The following DIP2C variants were observed in gnomAD, a reference collection of about 807,000 sequenced individuals.
The protein encoded by DIP2C is disco-interacting protein 2 homolog C.
DIP2C carries 33 observed loss-of-function variants against 192.4 expected under a neutral mutation model. The observed-to-expected ratio is 0.17, with a 90% CI of 0.13 to 0.23. The LOEUF is 0.23. DIP2C is among the 10% of genes least tolerant of loss of function. The pLI, the probability that DIP2C is intolerant of heterozygous loss-of-function variation, is 1.00. For synonymous variants in DIP2C, 979 were observed against 864.1 expected, an observed-to-expected ratio of 1.13 and a Z score of -2.33; for missense variants, 1,537 against 2,110.1, an observed-to-expected ratio of 0.73 and a Z score of 5.32.
chr10:549,560 G>C (rs147357687), intron 1 of DIP2C, among the ~76,000 whole-genome samples: 2 of 152,282 alleles, frequency 1.3e-5, no homozygotes, highest in Non-Finnish European at 2.9e-5. Context: ...AAACAGCCAA[G>C]GGCGGCATTT....
intron 1 of DIP2C, among the ~76,000 whole-genome samples, chr10:569,710 A>G (rs559557936): frequency 6.6e-5 from 10 of 152,170 alleles, no homozygotes; most frequent in Non-Finnish European, 8.8e-5. Flanking sequence ...CAGGGTAATA[A>G]TCAGCCATCG....
intron 32 of DIP2C, among the ~76,000 whole-genome samples, chr10:288,862 GCA>G (rs1445553770): frequency 6.6e-6 from 1 of 152,202 alleles, no homozygotes; most frequent in Admixed American, 6.5e-5. Flanking sequence ...GACAGCGCGT[GCA>G]TCGCAGCCAC....
chr10:358,436 C>A (rs1435586754), intron 22 of DIP2C, among the ~76,000 whole-genome samples: 7 of 147,578 alleles, frequency 4.7e-5, no homozygotes, highest in Admixed American at 3.4e-4. Flanking sequence ...GTGGACGGGA[C>A]AGGATAGAGT....
intron 13 of DIP2C, 41 bp downstream of exon 13, chr10:389,950 T>A: frequency 2.6e-6 from 4 of 1,537,136 alleles, no homozygotes; most frequent in Non-Finnish European, 3.6e-6. Context: ...GGTGTCCCGG[T>A]TAGAACCAGG....
At chr10:657,945 G>C (rs1241988675) in intron 1 of DIP2C, among the ~76,000 whole-genome samples, 1 of 151,446 alleles carries the variant, frequency 6.6e-6, no homozygotes, top group Non-Finnish European at 1.5e-5. Flanking sequence ...CCCTGGACCT[G>C]CCCCTGGACC....
At chr10:567,495 A>G (rs371523557) in intron 1 of DIP2C, among the ~76,000 whole-genome samples, 6 of 152,074 alleles carry the variant, frequency 3.9e-5, no homozygotes, top group African/African-American at 1.4e-4. Flanking sequence ...CCCAGCCACA[A>G]CACAACTGAA....
chr10:580,017 G>A (rs964513595), intron 1 of DIP2C, among the ~76,000 whole-genome samples: 3 of 152,028 alleles, frequency 2.0e-5, no homozygotes, highest in Non-Finnish European at 4.4e-5. Context: ...TACATGAATA[G>A]CATGTACACG....
rs1442475906 is a variant in DIP2C, at chr10:523,543, G to A, written c.86-37013C>T. On this transcript the variant is annotated intron_variant, in intron 1 of 36. Coordinates refer to ENST00000280886, the MANE Select transcript of DIP2C (RefSeq NM_014974.3). ...TTCTACCTGAGCAAAGGACCCTGGA[G>A]TGAGGATGCAGGGACTCTGCATGAC... 3.4e-5 allele frequency among the ~76,000 whole-genome samples: 5 copies of A among 148,354 alleles called. No individual in the cohort carries two copies. The Admixed American group carries it at 3.4e-4, about 10-fold the overall frequency.
At chr10:417,596 T>TCA (rs1965730103) in intron 6 of DIP2C, among the ~76,000 whole-genome samples, 2 of 152,028 alleles carry the variant, frequency 1.3e-5, no homozygotes, top group Admixed American at 1.3e-4. Context: ...CTGTTGGAGC[T>TCA]AGGATAGGCA....
chr10:294,374 A>T (rs546311418), intron 32 of DIP2C, among the ~76,000 whole-genome samples: 5 of 152,290 alleles, frequency 3.3e-5, no homozygotes, highest in Middle Eastern at 3.4e-3. Flanking sequence ...GGGGAGGCTG[A>T]GGCAGGAGGA....
chr10:364,843 G>C, intron 19 of DIP2C: 1 of 641,210 alleles, frequency 1.6e-6, no homozygotes, highest in Non-Finnish European at 2.9e-6. Flanking sequence ...TCTGAACCCT[G>C]AACAGATAAC....
intron 1 of DIP2C, among the ~76,000 whole-genome samples, chr10:487,080 G>A (rs1844068685): frequency 6.6e-6 from 1 of 152,240 alleles, no homozygotes; most frequent in African/African-American, 2.4e-5. Flanking sequence ...AGAGAAAGGT[G>A]CTTGTGGTGA....
rs1421764845 is a variant in DIP2C at position 622,256 on chromosome 10, TAGGGGGAGGGAGG to T, written c.85+67225_85+67237del. Among the ~76,000 whole-genome samples, 386 of 106,202 alleles carry T rather than the reference TAGGGGGAGGGAGG, an allele frequency of 3.6e-3. 7 individuals carry two copies. Among genetic ancestry groups the T allele is most frequent in the Admixed American group, 0.018 (178 of 10,026 alleles). The allele number at this position is 106,202 out of a possible 152,430, so 69.7% of individuals were successfully genotyped here. A position where few individuals can be genotyped will look rare whatever the true frequency, so the allele number is the denominator to read the frequency against. ...TCCACCCCTCGCCCAGGAGAGATGGTAGGGGGAGGGAGGAGGGGGAGGGAGGAGGGGGAGGGAG... is the reference window on the plus strand; with the variant it reads ...TCCACCCCTCGCCCAGGAGAGATGGTAGGGGGAGGGAGGAGGGGGAGGGAG... On this transcript the variant is annotated intron_variant, in intron 1 of 36. Transcript: ENST00000280886.
At chr10:662,167 A>T (rs1409297173) in intron 1 of DIP2C, 1 of 715,398 alleles carries the variant, frequency 1.4e-6, no homozygotes, top group Non-Finnish European at 2.6e-6. Flanking sequence ...GCCCTCAGAT[A>T]GGCACATGCA....
intron 10 of DIP2C, among the ~76,000 whole-genome samples, chr10:397,459 G>A (rs1032119778): frequency 6.6e-6 from 1 of 151,714 alleles, no homozygotes; most frequent in Non-Finnish European, 1.5e-5. Context: ...GAACCCGAGG[G>A]GCAGAGGTTG....
At chr10:595,056 C>T (rs902716144) in intron 1 of DIP2C, among the ~76,000 whole-genome samples, 33 of 152,316 alleles carry the variant, frequency 2.2e-4, no homozygotes, top group African/African-American at 7.5e-4. Context: ...TCACATCCAC[C>T]GACCCGCAGG....
At chr10:584,423 CCACAACCTGACCCCCACTCA>C (rs1850868997) in intron 1 of DIP2C, among the ~76,000 whole-genome samples, 2 of 150,938 alleles carry the variant, frequency 1.3e-5, no homozygotes, top group African/African-American at 2.4e-5. Context: ...ATCTCGGGGC[CCACAACCTGACCCCCACTCA>C]CGCGCATCAC....
Position 523,159 on chromosome 10 carries a change from C to G in DIP2C, c.86-36629G>C, listed in dbSNP as rs1846818031. 2.0e-5 allele frequency among the ~76,000 whole-genome samples: 3 copies of G among 148,856 alleles called. 1 individual carries two copies. The South Asian group carries it at 6.5e-4, about 32-fold the overall frequency. On this transcript the variant is annotated intron_variant, in intron 1 of 36. Transcript: ENST00000280886. ...CTCGTTTCTACCTTACACAAATGAC[C>G]CTGGAGTGAAGATGCAGGGACTCTG...
At chr10:531,255 C>T (rs988340329) in intron 1 of DIP2C, among the ~76,000 whole-genome samples, 3 of 152,066 alleles carry the variant, frequency 2.0e-5, no homozygotes, top group Admixed American at 1.3e-4. Context: ...GCACACACAG[C>T]GAACAAACCC....
Sources: gnomAD v4.1 joint callset for allele counts (sites outside exome capture counted in the v4.1 genomes callset) on GRCh38, gnomAD v4.1.1 for gene constraint, MANE v1.5 for transcripts, NCBI Gene and HGNC (gene_info 2026-07-23, HGNC 2026-07-21) for gene names.